The following CNTNAP3B variants were observed in gnomAD, a reference collection of about 807,000 sequenced individuals.
The protein encoded by CNTNAP3B is contactin associated protein family member 3B, also known as contactin-associated protein-like 3B.
CNTNAP3B carries 25 observed loss-of-function variants against 108.9 expected under a neutral mutation model. The observed-to-expected ratio is 0.23, with a 90% confidence interval of 0.17 to 0.32. The LOEUF is 0.32. Ranked by LOEUF, CNTNAP3B falls within the 10% of genes least tolerant of loss-of-function variation. CNTNAP3B has a pLI of 1.00. For synonymous variants in CNTNAP3B, 103 were observed against 473.4 expected (o/e 0.22, Z 10.16); for missense variants, 252 against 1,210.4 (o/e 0.21, Z 11.75).
intron 13 of CNTNAP3B, among the ~76,000 whole-genome samples, chr9:41,939,741 C>T (rs1447762181): frequency 1.3e-5 from 2 of 152,386 alleles, no homozygotes; most frequent in Non-Finnish European, 2.9e-5. Flanking sequence ...ACATCTAAAT[C>T]TCCCATATTC....
intron 15 of CNTNAP3B, among the ~76,000 whole-genome samples, chr9:41,925,914 C>A (rs1207663270): frequency 2.7e-5 from 4 of 150,526 alleles, no homozygotes; most frequent in African/African-American, 7.3e-5. Context: ...CAGAGAATGA[C>A]AGAAAATGGT....
At position 42,116,591 on chromosome 9, in the gene CNTNAP3B, A is replaced by C. The variant is rs1352925128; in HGVS notation, c.86-11852T>G. On this transcript the variant is annotated intron_variant, in intron 1 of 23. Transcript: ENST00000377561. ...AACATGCCAAATTGTAAAGACCATC[A>C]AGGCTAGGAAGAAACTGCATCAACT... Among the ~76,000 whole-genome samples, 2 of 139,304 alleles carry C rather than the reference A, an allele frequency of 1.4e-5. 1 individual carries two copies. Among genetic ancestry groups the C allele is most frequent in the Admixed American group, 1.4e-4 (2 of 13,966 alleles). The allele number at this position is 139,304 out of a possible 152,430, so 91.4% of individuals were successfully genotyped here. A position where few individuals can be genotyped will look rare whatever the true frequency, so the allele number is the denominator to read the frequency against.
intron 13 of CNTNAP3B, 61 bp downstream of exon 13, chr9:41,953,122 G>C: frequency 6.9e-7 from 1 of 1,443,906 alleles, no homozygotes; most frequent in African/African-American, 1.5e-5. Flanking sequence ...AAGGCATCTC[G>C]CAGCCCGAGG....
Position 42,107,936 on chromosome 9 carries a change from G to T in CNTNAP3B, c.86-3197C>A, listed in dbSNP as rs1587277103. Among the ~76,000 whole-genome samples, 2 of 122,940 alleles carry T rather than the reference G, an allele frequency of 1.6e-5. 1 individual carries two copies. Among genetic ancestry groups the T allele is most frequent in the East Asian group, 5.4e-4 (2 of 3,686 alleles). 80.7% of individuals were successfully genotyped at this position (122,940 alleles called of 152,430 possible). ...GTTGCAGTGAGCCCAGATGGTGCCAGTACACTCTAGGCTGGGCGACAGAGA... is the reference window on the plus strand; with the variant it reads ...GTTGCAGTGAGCCCAGATGGTGCCATTACACTCTAGGCTGGGCGACAGAGA... On this transcript the variant is annotated intron_variant, in intron 1 of 23. Transcript: ENST00000377561.
At chr9:41,979,817 G>A (rs1341567545) in intron 9 of CNTNAP3B, 1 of 118,208 alleles carries the variant, frequency 8.5e-6, no homozygotes, top group Non-Finnish European at 1.6e-5. Context: ...TTCAACTCCT[G>A]ATCTCAGGTG....
Position 42,095,289 on chromosome 9 carries a change from G to T in CNTNAP3B, c.196+9340C>A, listed in dbSNP as rs1322683041. The stretch of plus-strand genomic sequence containing the variant: ...TATGGTATTTGTCTCTCTGTGCCTG[G>T]TTTATTTCACTTAACATAATGTCCT... On this transcript the variant is annotated intron_variant, in intron 2 of 23. Transcript: ENST00000377561. Among the ~76,000 whole-genome samples the T allele has an allele frequency of 2.8e-4, 39 of 137,272 alleles. 9 individuals carry two copies. The highest frequency in any genetic ancestry group is 1.1e-3 in the African/African-American group (39 of 34,056). 90.1% of individuals were successfully genotyped at this position (137,272 alleles called of 152,430 possible).
At chr9:42,123,818 G>A (rs28645523) in intron 1 of CNTNAP3B, among the ~76,000 whole-genome samples, 97,606 of 127,676 alleles carry the variant, frequency 0.76, 41,743 homozygotes, top group East Asian at 0.87. Flanking sequence ...TCAAAACTCC[G>A]TAAAGCATAT....
rs1328559803 is a variant in CNTNAP3B, at chr9:42,118,179, G to A, written c.85+10831C>T. Among the ~76,000 whole-genome samples the A allele has an allele frequency of 2.2e-5, 3 of 139,364 alleles. 1 individual carries two copies. The highest frequency in any genetic ancestry group is 3.1e-5 in the Non-Finnish European group (2 of 64,980). The allele number at this position is 139,364 out of a possible 152,430, so 91.4% of individuals were successfully genotyped here. A position where few individuals can be genotyped will look rare whatever the true frequency, so the allele number is the denominator to read the frequency against. On this transcript the variant is annotated intron_variant, in intron 1 of 23. Coordinates refer to ENST00000377561, the MANE Select transcript of CNTNAP3B (RefSeq NM_001201380.3). ...GAATCCTTCCTAACTCATTTTATGAGGCCAGCATCATCCTGATACCAAAGC... is the reference window on the plus strand; with the variant it reads ...GAATCCTTCCTAACTCATTTTATGAAGCCAGCATCATCCTGATACCAAAGC...
chr9:41,964,353 C>G (rs1482274181), intron 11 of CNTNAP3B, among the ~76,000 whole-genome samples, 185 bp downstream of exon 11: 8 of 152,356 alleles, frequency 5.3e-5, no homozygotes, highest in South Asian at 2.1e-4. Flanking sequence ...CCACGTATTT[C>G]TGTGCACTGT....
intron 6 of CNTNAP3B, among the ~76,000 whole-genome samples, chr9:41,997,250 T>A (rs937567317): frequency 1.3e-4 from 19 of 151,758 alleles, no homozygotes; most frequent in African/African-American, 4.1e-4. Flanking sequence ...AAACAACAAG[T>A]GTAATATACC....
chr9:41,923,392 T>C lies in CNTNAP3B; in HGVS notation c.2537-497A>G, dbSNP rs1011134202. ...TTGGTTTAAAGCTCTGGCTCTGCTG[T>C]TCAGTACTCTAGGGAAGGCATGACA... On this transcript the variant is annotated intron_variant, in intron 16 of 23. Coordinates refer to ENST00000377561, the MANE Select transcript of CNTNAP3B (RefSeq NM_001201380.3). Among the ~76,000 whole-genome samples the C allele has an allele frequency of 9.3e-4, 141 of 151,150 alleles. No homozygotes were observed. In the South Asian group the frequency reaches 0.029, roughly 31 times the overall value.
intron 11 of CNTNAP3B, among the ~76,000 whole-genome samples, chr9:41,961,918 G>A (rs1221754270): frequency 6.6e-6 from 1 of 152,302 alleles, no homozygotes; most frequent in Non-Finnish European, 1.5e-5. Context: ...TGCCACTTAT[G>A]GCATATTGAT....
intron 1 of CNTNAP3B, among the ~76,000 whole-genome samples, chr9:42,113,388 C>T (rs1406142003): frequency 1.4e-5 from 2 of 139,098 alleles, no homozygotes; most frequent in Admixed American, 7.1e-5. Context: ...AATTCAATAC[C>T]TATTTTTAAA....
chr9:42,044,719 G>C (rs1368657841), intron 3 of CNTNAP3B, among the ~76,000 whole-genome samples: 3 of 146,608 alleles, frequency 2.0e-5, no homozygotes, highest in African/African-American at 7.8e-5. Flanking sequence ...ATTTTGCCCT[G>C]AGATGGTTCT....
intron 10 of CNTNAP3B, among the ~76,000 whole-genome samples, chr9:41,969,040 C>T (rs543917397): frequency 1.3e-5 from 2 of 152,416 alleles, no homozygotes; most frequent in African/African-American, 4.8e-5. Context: ...TCGTGATCCG[C>T]CCGCCTTGGC....
intron 18 of CNTNAP3B, among the ~76,000 whole-genome samples, chr9:41,918,758 T>C (rs1056184716): frequency 1.4e-5 from 2 of 146,100 alleles, no homozygotes; most frequent in African/African-American, 2.6e-5. Flanking sequence ...AATCAGCACT[T>C]GTGCTCATGA....
At chr9:42,056,326 T>TTTTATTATTATTATTATTA (rs1554753495) in intron 3 of CNTNAP3B, among the ~76,000 whole-genome samples, 1 of 129,128 alleles carries the variant, frequency 7.7e-6, no homozygotes. Flanking sequence ...TCTCATGAAT[T>TTTTATTATTATTATTATTA]TTATTATTAT....
chr9:42,058,206 T>A (rs1433468381), intron 3 of CNTNAP3B, among the ~76,000 whole-genome samples: 1 of 151,656 alleles, frequency 6.6e-6, no homozygotes, highest in African/African-American at 2.4e-5. Context: ...ACATACTGAT[T>A]TAATTTCCTT....
chr9:42,118,003 A>G, intron 1 of CNTNAP3B, among the ~76,000 whole-genome samples: 1 of 133,844 alleles, frequency 7.5e-6, no homozygotes, highest in Admixed American at 7.5e-5. Flanking sequence ...GAATAGACCA[A>G]TAACAGGCTC....
Sources: allele counts gnomAD v4.1 joint callset (sites outside exome capture counted in the v4.1 genomes callset), GRCh38; gene constraint gnomAD v4.1.1; transcripts MANE v1.5; gene names NCBI Gene and HGNC (gene_info 2026-07-23, HGNC 2026-07-21).